Variants in FSTL5 observed in about 807,000 individuals in gnomAD.
FSTL5 encodes the protein follistatin-related protein 5.
In FSTL5, 62 loss-of-function variants were observed where a neutral mutation model predicts 89.1. That is an observed-to-expected ratio of 0.70 (90% CI 0.57 to 0.86). The LOEUF (loss-of-function observed/expected upper bound fraction) is 0.86. FSTL5 is among the 40% of genes least tolerant of loss of function. The pLI is 0.00. For synonymous variants in FSTL5, 383 were observed against 346.2 expected, an observed-to-expected ratio of 1.11 and a Z score of -1.18; for missense variants, 1,057 against 1,001.6, an observed-to-expected ratio of 1.06 and a Z score of -0.75.
intron 6 of FSTL5, among the ~76,000 whole-genome samples, chr4:161,708,184 T>C (rs560530453): frequency 1.3e-5 from 2 of 152,186 alleles, no homozygotes; most frequent in African/African-American, 4.8e-5. Context: ...CCTTGTAGGA[T>C]GTCCAAGAAG....
intron 4 of FSTL5, among the ~76,000 whole-genome samples, chr4:161,778,092 TCACACACACA>T (rs71598736): frequency 2.7e-5 from 4 of 148,222 alleles, no homozygotes; most frequent in Admixed American, 1.3e-4. Flanking sequence ...AGACTCCGTA[TCACACACACA>T]CACACACACA....
chr4:161,729,812 G>T (rs1401833872), intron 6 of FSTL5, among the ~76,000 whole-genome samples: 1 of 152,140 alleles, frequency 6.6e-6, no homozygotes, highest in African/African-American at 2.4e-5. Flanking sequence ...TCAGGTACAG[G>T]AAGATGGCAA....
chr4:161,949,279 C>T (rs1469166301), intron 3 of FSTL5, among the ~76,000 whole-genome samples: 1 of 152,134 alleles, frequency 6.6e-6, no homozygotes, highest in Non-Finnish European at 1.5e-5. Flanking sequence ...AATAATCTCC[C>T]CATTTCCATA....
chr4:161,902,843 C>T (rs1733410779), intron 4 of FSTL5, among the ~76,000 whole-genome samples: 1 of 152,056 alleles, frequency 6.6e-6, no homozygotes, highest in African/African-American at 2.4e-5. Context: ...AGCAAGACTC[C>T]ATCTCAAAAT....
intron 12 of FSTL5, among the ~76,000 whole-genome samples, chr4:161,490,749 A>C (rs1729842491): frequency 6.6e-6 from 1 of 152,156 alleles, no homozygotes; most frequent in Non-Finnish European, 1.5e-5. Context: ...ATATGTGTTT[A>C]ATTTTTAAGC....
intron 11 of FSTL5, among the ~76,000 whole-genome samples, chr4:161,505,130 T>G (rs1386876201): frequency 1.3e-5 from 2 of 152,108 alleles, no homozygotes; most frequent in Admixed American, 6.5e-5. Context: ...ATCCTAAAAG[T>G]ATGCATATTT....
intron 4 of FSTL5, among the ~76,000 whole-genome samples, chr4:161,832,304 G>A (rs1165413063): frequency 6.6e-6 from 1 of 152,074 alleles, no homozygotes; most frequent in Non-Finnish European, 1.5e-5. Context: ...GATCCTTCCA[G>A]ATAGCAAGAA....
intron 3 of FSTL5, among the ~76,000 whole-genome samples, chr4:161,995,992 G>A (rs1386915372): frequency 1.3e-5 from 2 of 151,992 alleles, no homozygotes; most frequent in African/African-American, 2.4e-5. Context: ...CGCTTTATTA[G>A]CAAGATAAAA....
chr4:161,702,649 ATAAG>A (rs1738435124), intron 6 of FSTL5, among the ~76,000 whole-genome samples: 2 of 152,172 alleles, frequency 1.3e-5, no homozygotes, highest in African/African-American at 4.8e-5. Context: ...GAATGCTTTT[ATAAG>A]TGTCTACCTT....
chr4:161,575,976 G>C (rs1350951834), intron 8 of FSTL5, among the ~76,000 whole-genome samples: 1 of 152,072 alleles, frequency 6.6e-6, no homozygotes. Flanking sequence ...CAAAGTCTCA[G>C]AATACAAAAT....
At chr4:161,750,087 C>T (rs1352486805) in intron 6 of FSTL5, among the ~76,000 whole-genome samples, 3 of 151,934 alleles carry the variant, frequency 2.0e-5, no homozygotes, top group African/African-American at 7.2e-5. Context: ...ATGTTTGTCC[C>T]TTAGATGAAA....
At chr4:162,085,746 G>A (rs1348778256) in intron 2 of FSTL5, among the ~76,000 whole-genome samples, 2 of 152,080 alleles carry the variant, frequency 1.3e-5, no homozygotes, top group Non-Finnish European at 2.9e-5. Flanking sequence ...TGGTAGCCCT[G>A]CCATTGAATA....
At chr4:162,027,120 T>C (rs1194130947) in intron 3 of FSTL5, among the ~76,000 whole-genome samples, 2 of 152,152 alleles carry the variant, frequency 1.3e-5, no homozygotes, top group African/African-American at 4.8e-5. Context: ...TTGATGAAAA[T>C]GGGATTATTA....
chr4:161,505,907 A>G (rs1413278492), intron 11 of FSTL5, among the ~76,000 whole-genome samples: 3 of 152,200 alleles, frequency 2.0e-5, no homozygotes, highest in Non-Finnish European at 4.4e-5. Flanking sequence ...CAACAGGTTG[A>G]TTGTGATTTA....
At chr4:161,455,800 T>C (rs1011789957) in intron 14 of FSTL5, among the ~76,000 whole-genome samples, 3 of 152,172 alleles carry the variant, frequency 2.0e-5, no homozygotes, top group Non-Finnish European at 4.4e-5. Context: ...CTGTAAACTT[T>C]CATTGTTCCT....
intron 1 of FSTL5, among the ~76,000 whole-genome samples, chr4:162,141,884 C>A (rs1732761485): frequency 6.8e-6 from 1 of 146,816 alleles, no homozygotes; most frequent in Non-Finnish European, 1.5e-5. Flanking sequence ...AAGAAGTGTA[C>A]ACAGGTAGAA....
intron 11 of FSTL5, among the ~76,000 whole-genome samples, chr4:161,506,252 T>C (rs1050095125): frequency 1.1e-4 from 17 of 151,768 alleles, no homozygotes; most frequent in Non-Finnish European, 2.4e-4. Flanking sequence ...TTTTAATTTT[T>C]TGTAGAGACA....
intron 15 of FSTL5, among the ~76,000 whole-genome samples, chr4:161,419,532 C>G (rs941194618): frequency 6.6e-6 from 1 of 152,236 alleles, no homozygotes; most frequent in African/African-American, 2.4e-5. Flanking sequence ...AGGTCTTGTC[C>G]TTAGATTTCG....
At chr4:162,033,341 G>A (rs888578616) in intron 3 of FSTL5, among the ~76,000 whole-genome samples, 2 of 152,072 alleles carry the variant, frequency 1.3e-5, no homozygotes, top group Admixed American at 1.3e-4. Context: ...TAGGGACAAT[G>A]GTTGGTGGAG....
Sources: allele counts gnomAD v4.1 joint callset (sites outside exome capture counted in the v4.1 genomes callset), GRCh38; gene constraint gnomAD v4.1.1; transcripts MANE v1.5; gene names NCBI Gene and HGNC (gene_info 2026-07-23, HGNC 2026-07-21).